CREB3L3: variants seen among roughly 807,000 people sequenced by gnomAD.
The protein encoded by CREB3L3 is cyclic AMP-responsive element-binding protein 3-like protein 3.
In CREB3L3, 40 loss-of-function variants were observed where a neutral mutation model predicts 44.6. The ratio of observed to expected loss-of-function variants is 0.90; its 90% CI spans 0.70 to 1.17. The LOEUF (loss-of-function observed/expected upper bound fraction) is 1.17, where lower values mean the gene tolerates loss of function less well. Among genes scored for constraint, CREB3L3 ranks in the 50% most tolerant of loss-of-function variants. CREB3L3 has a pLI of 0.00. For missense variants in CREB3L3, 578 were observed against 595.8 expected, an observed-to-expected ratio of 0.97 and a Z score of 0.31; for synonymous variants, 273 against 256.3, an observed-to-expected ratio of 1.06 and a Z score of -0.62.
chr19:4,169,703 T>C (rs1967001395), intron 6 of CREB3L3, among the ~76,000 whole-genome samples: 1 of 150,668 alleles, frequency 6.6e-6, no homozygotes, highest in South Asian at 2.1e-4. Context: ...TCGATTCTCC[T>C]GCCTTAGCCT....
intron 2 of CREB3L3, 86 bp from the exon 3 acceptor site, chr19:4,156,909 G>A (rs1370880245): frequency 1.4e-6 from 2 of 1,404,950 alleles, no homozygotes; most frequent in East Asian, 4.6e-5. Flanking sequence ...GGCCCAAAGA[G>A]GGTCACTGGT....
At position 4,170,153 on chromosome 19, in the gene CREB3L3, A is replaced by G. The variant is rs776524808; in HGVS notation, c.835A>G (p.Thr279Ala). ...TCCTCCTTTCAGGATGTCAGCTTGC[A>G]CTGCTCAGAATCAGGAGTTACAGAG... The part of the protein sequence containing the change: ...DGLETRMSAC[T>A]AQNQELQRKV... Residue 279 changes from threonine (T) to alanine (A), a missense_variant, in exon 7 of 10, where the codon ACT becomes GCT. Thr to Ala is a moderately conservative substitution (Grantham distance 58). Coordinates refer to ENST00000078445, the MANE Select transcript of CREB3L3 (RefSeq NM_032607.3). 3.1e-6 allele frequency: 5 copies of G among 1,613,920 alleles called. No homozygotes were observed. Among genetic ancestry groups the G allele is most frequent in the Non-Finnish European group, 4.2e-6 (5 of 1,179,976 alleles).
At position 4,171,894 on chromosome 19, in the gene CREB3L3, G is replaced by A; in HGVS notation, c.1311G>A (p.Leu437=). The A allele has an allele frequency of 1.2e-6, 2 of 1,612,774 alleles. No homozygotes were observed. Among genetic ancestry groups the A allele is most frequent in the South Asian group, 1.1e-5 (1 of 91,070 alleles). ...NATEGLGQVA[L]LDWVAPGPST... ...CAGAGGGGCTGGGCCAGGTCGCCCT[G>A]CTGGACTGGGTGGCGCCTGGGCCGA... Residue 437 remains leucine, a synonymous_variant, in exon 10 of 10, where the codon CTG becomes CTA. Coordinates refer to ENST00000078445, the MANE Select transcript of CREB3L3 (RefSeq NM_032607.3). The surrounding 1 kb of genome is among the most constrained non-coding windows in gnomAD (Gnocchi z 4.9).
chr19:4,159,203 G>C (rs1010347817), intron 3 of CREB3L3, among the ~76,000 whole-genome samples: 28 of 151,544 alleles, frequency 1.8e-4, no homozygotes, highest in Non-Finnish European at 5.9e-5. Flanking sequence ...CAGGCTGGAG[G>C]GCAGTGCCAC....
intron 4 of CREB3L3, among the ~76,000 whole-genome samples, chr19:4,163,502 G>A (rs1406495600): frequency 6.6e-6 from 1 of 152,098 alleles, no homozygotes; most frequent in Non-Finnish European, 1.5e-5. Context: ...TGCTGCCAAG[G>A]GAGATTCTGT....
At position 4,163,328 on chromosome 19, in the gene CREB3L3, A is replaced by AAAAGAAAGAAAGAAAG. The variant is rs141964111; in HGVS notation, c.577-1164_577-1149dup. On this transcript the variant is annotated intron_variant, in intron 4 of 9. Transcript: ENST00000078445. ...TCTAAGAAAGAAAGAAAGAAGAAAG[A>AAAAGAAAGAAAGAAAG]AAAGAAAGAAAGAAAGAAAGAAAGA... Among the ~76,000 whole-genome samples, 66 of 135,796 alleles carry AAAAGAAAGAAAGAAAG rather than the reference A, an allele frequency of 4.9e-4. 1 individual carries two copies. Among genetic ancestry groups the AAAAGAAAGAAAGAAAG allele is most frequent in the East Asian group, 2.5e-3 (10 of 4,074 alleles). 89.1% of individuals were successfully genotyped at this position (135,796 alleles called of 152,430 possible).
At chr19:4,156,625 C>T (rs2041582392) in intron 2 of CREB3L3, among the ~76,000 whole-genome samples, 1 of 151,544 alleles carries the variant, frequency 6.6e-6, no homozygotes, top group African/African-American at 2.4e-5. Context: ...CCTCAGACTC[C>T]CGAGTAGCTG....
chr19:4,164,305 A>G, intron 4 of CREB3L3, 198 bp from the exon 5 acceptor site: 1 of 655,434 alleles, frequency 1.5e-6, no homozygotes, highest in East Asian at 2.9e-5. Flanking sequence ...ACGAGGTTTC[A>G]TCATGTTACC....
intron 4 of CREB3L3, among the ~76,000 whole-genome samples, chr19:4,163,074 G>A (rs1036066322): frequency 9.2e-5 from 14 of 152,144 alleles, no homozygotes; most frequent in African/African-American, 3.4e-4. Context: ...TTGGGAGGCC[G>A]AGGCGGGCAG....
intron 4 of CREB3L3, among the ~76,000 whole-genome samples, chr19:4,160,180 C>T (rs967604323): frequency 4.0e-5 from 6 of 151,396 alleles, no homozygotes; most frequent in Admixed American, 2.6e-4. Flanking sequence ...CCTGTGGTCC[C>T]AGCTACTCGG....
chr19:4,167,437 GAAA>G (rs1568283787), intron 5 of CREB3L3, among the ~76,000 whole-genome samples: 1 of 82,692 alleles, frequency 1.2e-5, no homozygotes, highest in Non-Finnish European at 3.5e-5. Flanking sequence ...AGAAAGAAAG[GAAA>G]GAAAGAAAGG....
chr19:4,155,452 G>A (rs1223217818), intron 2 of CREB3L3, among the ~76,000 whole-genome samples: 3 of 149,518 alleles, frequency 2.0e-5, no homozygotes, highest in Non-Finnish European at 3.0e-5. Flanking sequence ...TCTGCCTCCC[G>A]GGTTCAAGCG....
At position 4,171,273 on chromosome 19, in the gene CREB3L3, C is replaced by T; in HGVS notation, c.975+98C>T. 6.9e-7 allele frequency: 1 copy of T among 1,450,402 alleles called. No homozygotes were observed. Among genetic ancestry groups the T allele is most frequent in the Middle Eastern group, 1.7e-4 (1 of 5,724 alleles). 89.8% of individuals were successfully genotyped at this position (1,450,402 alleles called of 1,614,324 possible). Reference sequence around the variant, plus strand: ...AGTCCAAGCTCTCCTTGTGCCCCAGCTCAAGTATGATCCAGTCTGGTCTTT... The same window carrying T: ...AGTCCAAGCTCTCCTTGTGCCCCAGTTCAAGTATGATCCAGTCTGGTCTTT... On this transcript the variant is annotated intron_variant, in intron 8 of 9. Transcript: ENST00000078445. This position sits in a 1 kb window ranked among gnomAD's most constrained non-coding sequence, Gnocchi z 4.9.
chr19:4,157,075 C>T lies in CREB3L3; in HGVS notation c.237C>T (p.Leu79=). ...GSGDSLPSSP[L]WSPEGSDSGI... is the part of the protein sequence containing the mutation. ...GAGACTCACTGCCCAGCTCCCCACT[C>T]TGGTCCCCCGAAGGCAGTGATAGTG... The change falls in exon 3 of 10, where the codon CTC becomes CTT. Residue 79 remains leucine, a synonymous_variant. Transcript: ENST00000078445. The T allele has an allele frequency of 6.2e-7, 1 of 1,614,096 alleles. No individual in the cohort carries two copies. Among genetic ancestry groups the T allele is most frequent in the Non-Finnish European group, 8.5e-7 (1 of 1,180,010 alleles).
At chr19:4,154,629 C>T (rs568559244) in intron 1 of CREB3L3, among the ~76,000 whole-genome samples, 74 of 152,190 alleles carry the variant, frequency 4.9e-4, no homozygotes, top group African/African-American at 1.7e-3. Flanking sequence ...CTGCCCCGGC[C>T]TCCCAAAGTG....
chr19:4,159,393 C>T (rs1219672076), intron 3 of CREB3L3, among the ~76,000 whole-genome samples: 1 of 111,910 alleles, frequency 8.9e-6, no homozygotes, highest in South Asian at 2.9e-4. Flanking sequence ...TCAGATGATC[C>T]GCCTGCCTTG....
chr19:4,155,065 C>G, intron 2 of CREB3L3, 38 bp downstream of exon 2: 23 of 1,599,880 alleles, frequency 1.4e-5, no homozygotes, highest in Non-Finnish European at 1.9e-5. Flanking sequence ...GACCACAGAG[C>G]TCCAGGCGGG....
chr19:4,155,951 G>A (rs979000598), intron 2 of CREB3L3, among the ~76,000 whole-genome samples: 68 of 150,680 alleles, frequency 4.5e-4, no homozygotes, highest in African/African-American at 1.4e-3. Flanking sequence ...GTTTCACCAT[G>A]TTGGCCAGGC....
chr19:4,171,118 C>CCAGGCCATTGTGGTG lies in CREB3L3; in HGVS notation c.922_936dup (p.Ala308_Gln312dup), dbSNP rs1967036256. Reference sequence around the variant, plus strand: ...CCCTCTTGGAGCAACTGAAGAAACTCCAGGCCATTGTGGTGCAGTCCACCA... The same window carrying CCAGGCCATTGTGGTG: ...CCCTCTTGGAGCAACTGAAGAAACTCCAGGCCATTGTGGTGCAGGCCATTGTGGTGCAGTCCACCA... On this transcript the variant is annotated inframe_insertion, in exon 8 of 10. Transcript: ENST00000078445. The surrounding 1 kb of genome is among the most constrained non-coding windows in gnomAD (Gnocchi z 4.9). 3 of 1,613,930 alleles carry CCAGGCCATTGTGGTG rather than the reference C, an allele frequency of 1.9e-6. No individual in the cohort carries two copies. Among genetic ancestry groups the CCAGGCCATTGTGGTG allele is most frequent in the Non-Finnish European group, 2.5e-6 (3 of 1,180,000 alleles).
Sources: allele counts gnomAD v4.1 joint callset (sites outside exome capture counted in the v4.1 genomes callset), GRCh38; gene constraint gnomAD v4.1.1; non-coding constraint Gnocchi (gnomAD v3.1); transcripts MANE v1.5; gene names NCBI Gene and HGNC (gene_info 2026-07-23, HGNC 2026-07-21).